The following LANCL2 variants were observed in gnomAD, a reference collection of about 807,000 sequenced individuals.
LANCL2 encodes the protein lanC-like protein 2.
Under a neutral mutation model 56.9 loss-of-function variants are expected in LANCL2, and 33 were observed. The observed-to-expected ratio is 0.58, with a 90% CI of 0.44 to 0.78. The LOEUF (loss-of-function observed/expected upper bound fraction) is 0.78. Among genes scored for constraint, LANCL2 ranks in the 30% least tolerant of loss-of-function variants. The pLI, the probability that LANCL2 is intolerant of heterozygous loss-of-function variation, is 0.00. For synonymous variants in LANCL2, 233 were observed against 228.2 expected, an observed-to-expected ratio of 1.02 and a Z score of -0.19; for missense variants, 562 against 580.2, an observed-to-expected ratio of 0.97 and a Z score of 0.32.
chr7:55,409,315 A>G, intron 5 of LANCL2, among the ~76,000 whole-genome samples: 1 of 151,532 alleles, frequency 6.6e-6, no homozygotes, highest in South Asian at 2.1e-4. Flanking sequence ...GACGGTCTCG[A>G]TCTGACCTCA....
chr7:55,394,276 C>T (rs1370048211), intron 2 of LANCL2, among the ~76,000 whole-genome samples: 2 of 152,048 alleles, frequency 1.3e-5, no homozygotes, highest in East Asian at 1.9e-4. Context: ...ACTGTGTATA[C>T]GATATAGGAA....
At chr7:55,428,969 G>T (rs181699104) in intron 8 of LANCL2, among the ~76,000 whole-genome samples, 52 of 152,328 alleles carry the variant, frequency 3.4e-4, no homozygotes, top group Non-Finnish European at 4.9e-4. Flanking sequence ...CACCACGGGC[G>T]CAGGGAAGGG....
intron 6 of LANCL2, among the ~76,000 whole-genome samples, chr7:55,415,276 G>A (rs185963738): frequency 2.0e-5 from 3 of 152,208 alleles, no homozygotes; most frequent in Admixed American, 6.5e-5. Flanking sequence ...AGGGTGACAC[G>A]AGTGCAGTCC....
intron 6 of LANCL2, among the ~76,000 whole-genome samples, chr7:55,413,407 T>C (rs928771260): frequency 1.3e-5 from 2 of 152,356 alleles, no homozygotes; most frequent in East Asian, 3.9e-4. Flanking sequence ...CCCTTCACTT[T>C]AAAGAGGCTC....
intron 7 of LANCL2, among the ~76,000 whole-genome samples, chr7:55,426,898 AT>A (rs1176579612): frequency 2.0e-5 from 3 of 152,170 alleles, no homozygotes; most frequent in Non-Finnish European, 4.4e-5. Flanking sequence ...CTATGCAAAT[AT>A]GGGCAATGCG....
At position 55,366,173 on chromosome 7, in the gene LANCL2, G is replaced by T; in HGVS notation, c.148G>T (p.Val50Phe). Reference protein sequence around the residue: ...ASGAAEETGCVRPPATTDEPG... With the variant: ...ASGAAEETGCFRPPATTDEPG... ...CGGAGCGGCCGAAGAGACAGGCTGT[G>T]TTCGTCCCCCGGCGACCACGGATGA... Residue 50 changes from valine to phenylalanine, a missense_variant, in exon 1 of 9, where the codon GTT becomes TTT. By Grantham distance (50) the Val-to-Phe change is conservative. Coordinates refer to ENST00000254770, the MANE Select transcript of LANCL2 (RefSeq NM_018697.4). 6.4e-7 allele frequency: 1 copy of T among 1,559,654 alleles called. No individual in the cohort carries two copies. The highest frequency in any genetic ancestry group is 1.2e-5 in the South Asian group (1 of 84,618).
intron 6 of LANCL2, among the ~76,000 whole-genome samples, chr7:55,418,873 G>A (rs1281119902): frequency 6.6e-6 from 1 of 151,804 alleles, no homozygotes; most frequent in South Asian, 2.1e-4. Context: ...TTATTCAAAC[G>A]CTCCTATGGT....
At chr7:55,389,894 C>T (rs764600822) in intron 1 of LANCL2, among the ~76,000 whole-genome samples, 6 of 152,116 alleles carry the variant, frequency 3.9e-5, no homozygotes, top group African/African-American at 9.7e-5. Context: ...AAGATGAGCC[C>T]ATTGTCTTCA....
intron 6 of LANCL2, among the ~76,000 whole-genome samples, chr7:55,424,087 T>G (rs1340545791): frequency 4.0e-5 from 6 of 150,808 alleles, no homozygotes; most frequent in Non-Finnish European, 8.9e-5. Flanking sequence ...ACCCAAGTAG[T>G]GATGACCTTT....
chr7:55,424,008 T>G (rs549628953), intron 6 of LANCL2, among the ~76,000 whole-genome samples: 3 of 152,314 alleles, frequency 2.0e-5, no homozygotes, highest in African/African-American at 7.2e-5. Flanking sequence ...GCCTTTTTCC[T>G]GAGGCCTCAG....
Position 55,391,815 on chromosome 7 carries a change from G to T in LANCL2, c.227G>T (p.Arg76Leu), listed in dbSNP as rs759332300. 2.5e-6 allele frequency: 4 copies of T among 1,604,624 alleles called. No individual in the cohort carries two copies. The highest frequency in any genetic ancestry group is 2.2e-5 in the East Asian group (1 of 44,764). Residue 76 changes from arginine (R) to leucine (L), a missense_variant, in exon 2 of 9, where the codon CGG becomes CTG. Transcript: ENST00000254770. ...DGKIIHNFIR[R>L]IQTKIKDLLQ... ...CAGATCATTCATAATTTCATAAGACGGATCCAGACCAAAATTAAAGATCTT... is the reference window on the plus strand; with the variant it reads ...CAGATCATTCATAATTTCATAAGACTGATCCAGACCAAAATTAAAGATCTT...
intron 1 of LANCL2, among the ~76,000 whole-genome samples, chr7:55,375,096 C>T (rs908714388): frequency 1.3e-5 from 2 of 152,164 alleles, no homozygotes; most frequent in Non-Finnish European, 2.9e-5. Context: ...CTATTCAAAA[C>T]GTACCTTTTT....
intron 2 of LANCL2, among the ~76,000 whole-genome samples, chr7:55,396,230 C>T (rs2128993198): frequency 6.6e-6 from 1 of 151,792 alleles, no homozygotes. Flanking sequence ...GTGAACTTTA[C>T]CTCTAGGAGC....
At chr7:55,375,272 C>T (rs376657544) in intron 1 of LANCL2, among the ~76,000 whole-genome samples, 2 of 152,100 alleles carry the variant, frequency 1.3e-5, no homozygotes, top group South Asian at 4.1e-4. Context: ...CAAACTAGCA[C>T]TAAATTTATC....
chr7:55,373,275 A>ATATTTATT (rs55805701), intron 1 of LANCL2, among the ~76,000 whole-genome samples: 21,887 of 147,918 alleles, frequency 0.15, 1,805 homozygotes, highest in Middle Eastern at 0.22. Flanking sequence ...AATTTTTTAA[A>ATATTTATT]TATTTATTTA....
rs1245457285 is a variant in LANCL2 at position 55,366,005 on chromosome 7, G to T, written c.-21G>T. On this transcript the variant is annotated 5_prime_UTR_variant, in exon 1 of 9. Transcript: ENST00000254770. Reference sequence around the variant, plus strand: ...CGGGACAGGAGGTTTGTCCCCGCCCGCGCGCCGTACCGCGGCGGAGATGGG... The same window carrying T: ...CGGGACAGGAGGTTTGTCCCCGCCCTCGCGCCGTACCGCGGCGGAGATGGG... 7.0e-7 allele frequency: 1 copy of T among 1,420,868 alleles called. No homozygotes were observed. Among genetic ancestry groups the T allele is most frequent in the Admixed American group, 3.0e-5 (1 of 32,874 alleles). 88.0% of individuals were successfully genotyped at this position (1,420,868 alleles called of 1,614,324 possible).
intron 1 of LANCL2, among the ~76,000 whole-genome samples, chr7:55,373,142 A>G (rs1043849556): frequency 2.0e-5 from 3 of 152,178 alleles, no homozygotes; most frequent in Admixed American, 1.3e-4. Flanking sequence ...AGGAGCTCTG[A>G]ACACTTAATT....
chr7:55,430,640 C>T (rs956962355), intron 8 of LANCL2, among the ~76,000 whole-genome samples: 1 of 152,168 alleles, frequency 6.6e-6, no homozygotes, highest in African/African-American at 2.4e-5. Context: ...AAAAGAAAAA[C>T]TGTAAACAAA....
chr7:55,403,949 A>C (rs11524163), intron 5 of LANCL2, among the ~76,000 whole-genome samples: 53,141 of 151,808 alleles, frequency 0.35, 9,789 homozygotes, highest in African/African-American at 0.43. Context: ...TCAGGGAGCA[A>C]CAGGGCCTGC....
Sources: allele counts gnomAD v4.1 joint callset (sites outside exome capture counted in the v4.1 genomes callset), GRCh38; gene constraint gnomAD v4.1.1; transcripts MANE v1.5; gene names NCBI Gene and HGNC (gene_info 2026-07-23, HGNC 2026-07-21).